PTCHD4: variants seen among roughly 807,000 people sequenced by gnomAD.
PTCHD4 encodes the protein patched domain containing 4, also known as patched domain-containing protein 4.
Under a neutral mutation model 58.1 loss-of-function variants are expected in PTCHD4, and 33 were observed. The ratio of observed to expected loss-of-function variants is 0.57; its 90% CI spans 0.43 to 0.76. The LOEUF is 0.76. Ranked by LOEUF, PTCHD4 falls within the 30% of genes least tolerant of loss-of-function variation. The pLI, the probability that PTCHD4 is intolerant of heterozygous loss-of-function variation, is 0.00. For synonymous variants in PTCHD4, 478 were observed against 409.6 expected, an observed-to-expected ratio of 1.17 and a Z score of -2.02; for missense variants, 1,058 against 1,027.1, an observed-to-expected ratio of 1.03 and a Z score of -0.41.
chr6:47,988,250 G>A (rs1340861557), intron 4 of PTCHD4, among the ~76,000 whole-genome samples: 1 of 152,164 alleles, frequency 6.6e-6, no homozygotes, highest in African/African-American at 2.4e-5. Flanking sequence ...AATTAGTAGT[G>A]CTGTCAAGTT....
chr6:47,883,262 T>G (rs1190422061), intron 4 of PTCHD4, among the ~76,000 whole-genome samples: 2 of 152,088 alleles, frequency 1.3e-5, no homozygotes, highest in African/African-American at 4.8e-5. Flanking sequence ...GAGACCAAGA[T>G]TATAGCTTCT....
At chr6:48,042,396 T>C (rs1328136153) in intron 3 of PTCHD4, among the ~76,000 whole-genome samples, 1 of 152,016 alleles carries the variant, frequency 6.6e-6, no homozygotes, top group South Asian at 2.1e-4. Context: ...AAATATTAGT[T>C]ATTTAATCTT....
At chr6:47,975,015 C>A (rs925674317) in intron 4 of PTCHD4, among the ~76,000 whole-genome samples, 1 of 152,014 alleles carries the variant, frequency 6.6e-6, no homozygotes, top group Non-Finnish European at 1.5e-5. Context: ...AACAAACAAA[C>A]AAAACAAAAC....
At chr6:48,042,042 C>A (rs1763867713) in intron 3 of PTCHD4, among the ~76,000 whole-genome samples, 1 of 151,836 alleles carries the variant, frequency 6.6e-6, no homozygotes, top group African/African-American at 2.4e-5. Context: ...CTGCAGAAAA[C>A]AAACAGACTA....
chr6:47,886,046 G>A (rs1219163121), intron 4 of PTCHD4, among the ~76,000 whole-genome samples: 1 of 151,612 alleles, frequency 6.6e-6, no homozygotes, highest in Non-Finnish European at 1.5e-5. Flanking sequence ...TCAAACTCCC[G>A]ACCTCAAGTA....
chr6:47,913,842 T>G (rs1161851495), intron 4 of PTCHD4, among the ~76,000 whole-genome samples: 1 of 152,122 alleles, frequency 6.6e-6, no homozygotes, highest in Non-Finnish European at 1.5e-5. Context: ...TCTCTAAACA[T>G]TTTTCTGTGA....
At chr6:48,061,189 C>G (rs1411018605) in intron 3 of PTCHD4, among the ~76,000 whole-genome samples, 1 of 152,086 alleles carries the variant, frequency 6.6e-6, no homozygotes, top group Non-Finnish European at 1.5e-5. Flanking sequence ...TGCAAAGGGA[C>G]TTGAGAAAAA....
intron 1 of PTCHD4, among the ~76,000 whole-genome samples, chr6:48,091,858 T>G (rs778939753): frequency 1.1e-4 from 17 of 151,768 alleles, no homozygotes; most frequent in Non-Finnish European, 2.4e-4. Context: ...CCATGTTGGC[T>G]AGGCTGGTCT....
intron 1 of PTCHD4, among the ~76,000 whole-genome samples, chr6:48,075,151 C>A (rs1765039713): frequency 6.6e-6 from 1 of 152,048 alleles, no homozygotes; most frequent in African/African-American, 2.4e-5. Context: ...AATTGATGAC[C>A]TAAAATTCAT....
chr6:48,011,505 T>C (rs1762673641), intron 3 of PTCHD4, among the ~76,000 whole-genome samples: 1 of 152,230 alleles, frequency 6.6e-6, no homozygotes, highest in Non-Finnish European at 1.5e-5. Flanking sequence ...GCAAAAATTT[T>C]CTCCCATTCT....
intron 4 of PTCHD4, among the ~76,000 whole-genome samples, chr6:47,918,991 C>A (rs575609558): frequency 2.9e-4 from 44 of 152,182 alleles, no homozygotes; most frequent in African/African-American, 1.0e-3. Context: ...TTAGATTAGA[C>A]CGAACCCGTA....
At chr6:48,098,355 TTGA>T (rs1765522103) in intron 1 of PTCHD4, among the ~76,000 whole-genome samples, 1 of 151,136 alleles carries the variant, frequency 6.6e-6, no homozygotes, top group East Asian at 1.9e-4. Flanking sequence ...TTTTTTTTTT[TTGA>T]GAGAGAGTCT....
chr6:47,894,508 G>A (rs968030919), intron 4 of PTCHD4, among the ~76,000 whole-genome samples: 12 of 152,236 alleles, frequency 7.9e-5, no homozygotes, highest in African/African-American at 2.9e-4. Context: ...GACAAAGAAT[G>A]CAAACTCCTA....
At chr6:47,970,899 C>T (rs1424611019) in intron 4 of PTCHD4, among the ~76,000 whole-genome samples, 1 of 152,120 alleles carries the variant, frequency 6.6e-6, no homozygotes, top group Admixed American at 6.6e-5. Context: ...TTTGTTTTAA[C>T]AAGACATCCA....
At position 47,863,126 on chromosome 6, in the gene PTCHD4, G is replaced by A. The variant is rs1045264314; in HGVS notation, c.*15177C>T. Among the ~76,000 whole-genome samples, 1 of 151,884 alleles carries A rather than the reference G, an allele frequency of 6.6e-6. No homozygotes were observed. The highest frequency in any genetic ancestry group is 2.4e-5 in the African/African-American group (1 of 41,406). On this transcript the variant is annotated 3_prime_UTR_variant, in exon 5 of 5. Transcript: ENST00000339488. Reference sequence around the variant, plus strand: ...CTTAAGAGTTGGTATTTATCAATATGATTTTTGTGTTGTATCTGAGACTTA... The same window carrying A: ...CTTAAGAGTTGGTATTTATCAATATAATTTTTGTGTTGTATCTGAGACTTA...
chr6:48,013,492 G>C (rs1762761753), intron 3 of PTCHD4, among the ~76,000 whole-genome samples: 1 of 149,912 alleles, frequency 6.7e-6, no homozygotes, highest in African/African-American at 2.5e-5. Flanking sequence ...GCTCTCTCTT[G>C]ATTAAATCTC....
intron 4 of PTCHD4, among the ~76,000 whole-genome samples, chr6:47,976,569 G>T (rs1767697454): frequency 6.6e-6 from 1 of 151,894 alleles, no homozygotes; most frequent in Non-Finnish European, 1.5e-5. Flanking sequence ...CAGGAGAATT[G>T]CTTGAACCTG....
intron 1 of PTCHD4, among the ~76,000 whole-genome samples, chr6:48,075,055 A>G (rs1765038196): frequency 6.6e-6 from 1 of 152,142 alleles, no homozygotes; most frequent in Admixed American, 6.5e-5. Context: ...TATTCACTAT[A>G]TCTTTGAGAT....
In PTCHD4 at chr6:47,857,771, C is replaced by T. The variant is rs1465737592; in HGVS notation, c.*20532G>A. ...AGTAAATCATCTAGTAAAGATGACA[C>T]TACATTGAGCACACAGGTATTAAAC... On this transcript the variant is annotated 3_prime_UTR_variant, in exon 5 of 5. Coordinates refer to ENST00000339488, the MANE Select transcript of PTCHD4 (RefSeq NM_001384253.1). 6.6e-6 allele frequency among the ~76,000 whole-genome samples: 1 copy of T among 151,908 alleles called. No homozygotes were observed. Among genetic ancestry groups the T allele is most frequent in the Admixed American group, 6.6e-5 (1 of 15,186 alleles).
Sources: gnomAD v4.1 joint callset for allele counts (sites outside exome capture counted in the v4.1 genomes callset) on GRCh38, gnomAD v4.1.1 for gene constraint, MANE v1.5 for transcripts, NCBI Gene and HGNC (gene_info 2026-07-23, HGNC 2026-07-21) for gene names.